ACVR1C: variants seen among roughly 807,000 people sequenced by gnomAD.
ACVR1C encodes activin A receptor type 1C, also known as activin receptor type-1C.
ACVR1C carries 23 observed loss-of-function variants against 57.9 expected under a neutral mutation model. The ratio of observed to expected loss-of-function variants is 0.40; its 90% CI spans 0.29 to 0.56. ACVR1C has a LOEUF of 0.56. ACVR1C is among the 20% of genes least tolerant of loss of function. The probability of loss-of-function intolerance (pLI) is 0.50; values close to 1 mark genes in which losing one functional copy is unlikely to be tolerated. For missense variants in ACVR1C, 480 were observed against 607.9 expected, an observed-to-expected ratio of 0.79 and a Z score of 2.21; for synonymous variants, 214 against 215.3, an observed-to-expected ratio of 0.99 and a Z score of 0.05.
At chr2:157,625,729 T>C (rs972685185) in intron 1 of ACVR1C, among the ~76,000 whole-genome samples, 2 of 152,190 alleles carry the variant, frequency 1.3e-5, no homozygotes, top group African/African-American at 4.8e-5. Flanking sequence ...GGACTCTTAA[T>C]AATCCTTTCT....
At chr2:157,565,242 T>G (rs1688336482) in intron 2 of ACVR1C, among the ~76,000 whole-genome samples, 1 of 152,140 alleles carries the variant, frequency 6.6e-6, no homozygotes, top group Non-Finnish European at 1.5e-5. Flanking sequence ...TGCACTTTGA[T>G]AGGAATTTGA....
intron 2 of ACVR1C, among the ~76,000 whole-genome samples, chr2:157,559,468 C>T (rs558531683): frequency 6.3e-4 from 96 of 152,186 alleles, no homozygotes; most frequent in African/African-American, 2.3e-3. Flanking sequence ...AGAAAACAAT[C>T]ATGCAGCTAA....
chr2:157,627,338 G>A (rs887603794), intron 1 of ACVR1C, among the ~76,000 whole-genome samples: 1 of 152,092 alleles, frequency 6.6e-6, no homozygotes, highest in African/African-American at 2.4e-5. Flanking sequence ...AACTCTAAAT[G>A]CAAATATTTC....
rs1166673398 is a variant in ACVR1C at position 157,576,835 on chromosome 2, C to CTTTTTT, written c.304+10346_304+10351dup. On this transcript the variant is annotated intron_variant, in intron 2 of 8. Coordinates refer to ENST00000243349, the MANE Select transcript of ACVR1C (RefSeq NM_145259.3). ...AGAGCCTTTTGGGCTTTGAAATTTT[C>CTTTTTT]TTTTTTTTTTTTTTTTTTTTTTTTT... 1.4e-3 allele frequency among the ~76,000 whole-genome samples: 60 copies of CTTTTTT among 41,716 alleles called. 6 individuals are homozygous for CTTTTTT. The highest frequency in any genetic ancestry group is 2.9e-3 in the Admixed American group (12 of 4,174). 27.4% of individuals were successfully genotyped at this position (41,716 alleles called of 152,430 possible). A position where few individuals can be genotyped will look rare whatever the true frequency, so the allele number is the denominator to read the frequency against.
intron 3 of ACVR1C, among the ~76,000 whole-genome samples, chr2:157,554,251 G>GAAAGAAAGAA (rs1688014003): frequency 1.6e-5 from 2 of 122,450 alleles, no homozygotes; most frequent in South Asian, 5.0e-4. Flanking sequence ...AAGAAAGAAA[G>GAAAGAAAGAA]AAAGAAAGAA....
At chr2:157,610,958 A>T (rs1682518307) in intron 1 of ACVR1C, among the ~76,000 whole-genome samples, 2 of 151,942 alleles carry the variant, frequency 1.3e-5, no homozygotes, top group Admixed American at 1.3e-4. Flanking sequence ...TATTTTTCAA[A>T]GTTCTGTTGT....
At chr2:157,564,313 C>T (rs1240108894) in intron 2 of ACVR1C, among the ~76,000 whole-genome samples, 1 of 152,202 alleles carries the variant, frequency 6.6e-6, no homozygotes, top group Non-Finnish European at 1.5e-5. Context: ...TGAACAGACA[C>T]TTCTCAGAAG....
chr2:157,597,229 C>G (rs114718711), intron 1 of ACVR1C: 1 of 568,560 alleles, frequency 1.8e-6, no homozygotes, highest in South Asian at 7.7e-5. Flanking sequence ...GTGCATTAAC[C>G]TGCCCCCACT....
chr2:157,622,023 C>T (rs982640572), intron 1 of ACVR1C, among the ~76,000 whole-genome samples: 1 of 152,280 alleles, frequency 6.6e-6, no homozygotes, highest in East Asian at 1.9e-4. Flanking sequence ...TGAGACTCAG[C>T]AGCTAGTGTT....
intron 1 of ACVR1C, among the ~76,000 whole-genome samples, chr2:157,600,249 A>G (rs914886962): frequency 3.5e-4 from 54 of 152,214 alleles, no homozygotes; most frequent in Non-Finnish European, 6.9e-4. Flanking sequence ...TTCAGTCTCT[A>G]TTAAAGTAGA....
rs977620904 is a variant in ACVR1C, at chr2:157,532,310, G to A, written c.*1608C>T. On this transcript the variant is annotated 3_prime_UTR_variant, in exon 9 of 9. Transcript: ENST00000243349. ...CCTCTTAATAAAAGGGTTCCACCAC[G>A]ATCAGGTAATCTGAGCAATCCAGTT... is the stretch of plus-strand genomic sequence containing the variant. 3.3e-5 allele frequency: 5 copies of A among 150,168 alleles called. No homozygotes were observed. The highest frequency in any genetic ancestry group is 7.3e-5 in the African/African-American group (3 of 40,900). 9.3% of individuals were successfully genotyped at this position (150,168 alleles called of 1,614,324 possible). A position where few individuals can be genotyped will look rare whatever the true frequency, so the allele number is the denominator to read the frequency against.
chr2:157,540,857 A>G (rs1687609647), intron 7 of ACVR1C, among the ~76,000 whole-genome samples: 1 of 152,234 alleles, frequency 6.6e-6, no homozygotes, highest in Admixed American at 6.5e-5. Context: ...GTCACATGGA[A>G]ACAAAAATTA....
At chr2:157,597,547 G>C in intron 1 of ACVR1C, 3 of 985,426 alleles carry the variant, frequency 3.0e-6, no homozygotes, top group Non-Finnish European at 3.6e-6. Flanking sequence ...CCACCTGCCC[G>C]ACGGCAGCGC....
In ACVR1C at chr2:157,555,101, C is replaced by CTTTTTTTTTTTTTTTTTTT. The variant is rs60269781; in HGVS notation, c.544+973_544+991dup. ...ATAATACAGCCTGGTACTTTGAACG[C>CTTTTTTTTTTTTTTTTTTT]TTTTTTTTTTTTTTTTTTTTTTTTT... On this transcript the variant is annotated intron_variant, in intron 3 of 8. Coordinates refer to ENST00000243349, the MANE Select transcript of ACVR1C (RefSeq NM_145259.3). Among the ~76,000 whole-genome samples, 7 of 83,946 alleles carry CTTTTTTTTTTTTTTTTTTT rather than the reference C, an allele frequency of 8.3e-5. 1 individual carries two copies. The highest frequency in any genetic ancestry group is 4.2e-4 in the African/African-American group (7 of 16,854). 55.1% of individuals were successfully genotyped at this position (83,946 alleles called of 152,430 possible).
intron 2 of ACVR1C, among the ~76,000 whole-genome samples, chr2:157,578,255 A>G (rs899303143): frequency 1.2e-4 from 18 of 152,266 alleles, no homozygotes; most frequent in Non-Finnish European, 2.1e-4. Context: ...TCCGTACTGG[A>G]GATTAGAAAG....
At chr2:157,613,356 T>C (rs1168041571) in intron 1 of ACVR1C, among the ~76,000 whole-genome samples, 1 of 152,244 alleles carries the variant, frequency 6.6e-6, no homozygotes, top group Non-Finnish European at 1.5e-5. Flanking sequence ...ATCTCTAGAT[T>C]ACTTATAATA....
intron 1 of ACVR1C, among the ~76,000 whole-genome samples, chr2:157,595,628 T>G (rs1400092059): frequency 6.6e-6 from 1 of 152,218 alleles, no homozygotes; most frequent in Non-Finnish European, 1.5e-5. Flanking sequence ...TGGTGTTTAA[T>G]GGATTCCAAT....
At chr2:157,608,729 T>C (rs570689421) in intron 1 of ACVR1C, among the ~76,000 whole-genome samples, 1 of 152,122 alleles carries the variant, frequency 6.6e-6, no homozygotes. Flanking sequence ...CAGGAATTTA[T>C]CCATTTCCTC....
chr2:157,541,650 A>G (rs537292660), intron 6 of ACVR1C, among the ~76,000 whole-genome samples: 1 of 152,338 alleles, frequency 6.6e-6, no homozygotes, highest in East Asian at 1.9e-4. Flanking sequence ...GGGGATAATC[A>G]GATGGGCAAG....
Sources: allele counts gnomAD v4.1 joint callset (sites outside exome capture counted in the v4.1 genomes callset), GRCh38; gene constraint gnomAD v4.1.1; transcripts MANE v1.5; gene names NCBI Gene and HGNC (gene_info 2026-07-23, HGNC 2026-07-21).